SH2B3: variants seen among roughly 807,000 people sequenced by gnomAD.
The protein encoded by SH2B3 is SH2B adapter protein 3.
A neutral mutation model predicts 51.9 loss-of-function variants in SH2B3; 43 were observed. That is an observed-to-expected ratio of 0.83 (90% CI 0.65 to 1.07). The LOEUF (loss-of-function observed/expected upper bound fraction) is 1.07, where lower values mean the gene tolerates loss of function less well. Among genes scored for constraint, SH2B3 ranks in the 50% least tolerant of loss-of-function variants. SH2B3 has a pLI of 0.00. For missense variants in SH2B3, 952 were observed against 834.3 expected (o/e 1.14, Z -1.74); for synonymous variants, 396 against 376.0 (o/e 1.05, Z -0.62).
intron 2 of SH2B3, among the ~76,000 whole-genome samples, chr12:111,434,355 C>T (rs1363666087): frequency 6.6e-6 from 1 of 152,198 alleles, no homozygotes; most frequent in Non-Finnish European, 1.5e-5. Flanking sequence ...ATCTTTCTGT[C>T]CCCGTGGATT....
At chr12:111,408,315 G>C (rs1020386313) in intron 1 of SH2B3, among the ~76,000 whole-genome samples, 6 of 152,156 alleles carry the variant, frequency 3.9e-5, no homozygotes, top group Non-Finnish European at 8.8e-5. Context: ...GAGTGGCTTG[G>C]TCAGGAGGAA....
intron 2 of SH2B3, among the ~76,000 whole-genome samples, chr12:111,430,962 C>CT (rs1172366641): frequency 6.6e-6 from 1 of 150,642 alleles, no homozygotes; most frequent in African/African-American, 2.4e-5. Flanking sequence ...CCACCCAGTT[C>CT]TTTGTGAATG....
At chr12:111,414,799 G>A (rs930075504) in intron 1 of SH2B3, among the ~76,000 whole-genome samples, 5 of 152,160 alleles carry the variant, frequency 3.3e-5, no homozygotes, top group Non-Finnish European at 4.4e-5. Context: ...GTGGAGGGGT[G>A]TGTGGCAGAG....
At chr12:111,408,536 G>C (rs532395133) in intron 1 of SH2B3, among the ~76,000 whole-genome samples, 1 of 152,044 alleles carries the variant, frequency 6.6e-6, no homozygotes, top group South Asian at 2.1e-4. Context: ...GCCACCCCCA[G>C]ACATTCTCCA....
chr12:111,448,260 G>A lies in SH2B3; in HGVS notation c.1686G>A (p.Arg562=). 1.2e-6 allele frequency: 2 copies of A among 1,613,996 alleles called. No homozygotes were observed. Among genetic ancestry groups the A allele is most frequent in the Non-Finnish European group, 8.5e-7 (1 of 1,179,922 alleles). Residue 562 remains arginine, a synonymous_variant, in exon 8 of 8, where the codon CGG becomes CGA. Coordinates refer to ENST00000341259, the MANE Select transcript of SH2B3 (RefSeq NM_005475.3). The part of the protein sequence containing the change: ...DSDYEMDSSS[R]SHLRAIDNQY... ...ACTACGAAATGGACTCATCCTCCCG[G>A]AGCCACCTGCGGGCCATAGACAATC...
intron 2 of SH2B3, among the ~76,000 whole-genome samples, chr12:111,433,791 T>C (rs1479854403): frequency 6.6e-6 from 1 of 152,192 alleles, no homozygotes; most frequent in Non-Finnish European, 1.5e-5. Context: ...TGTTTTTGTT[T>C]TTTGAAGAGC....
upstream of SH2B3, among the ~76,000 whole-genome samples, chr12:111,405,335 C>T (rs538050493): frequency 2.7e-4 from 41 of 152,262 alleles, 1 homozygote; most frequent in Admixed American, 2.5e-3. This position sits in a 1 kb window ranked among gnomAD's most constrained non-coding sequence, Gnocchi z 5.4. Context: ...GGGGCCGTGG[C>T]GGGTCGGGTC....
rs1008858809 is a variant in SH2B3 at position 111,407,087 on chromosome 12, A to G, written c.-28+810A>G. Among the ~76,000 whole-genome samples, 1 of 151,328 alleles carries G rather than the reference A, an allele frequency of 6.6e-6. No individual in the cohort carries two copies. The highest frequency in any genetic ancestry group is 1.5e-5 in the Non-Finnish European group (1 of 67,842). On this transcript the variant is annotated intron_variant, in intron 1 of 7. Transcript: ENST00000341259. The surrounding 1 kb of genome is among the most constrained non-coding windows in gnomAD (Gnocchi z 4.3). ...GGGAGCTTTGTTTTGAGGGAGGGGG[A>G]CTGCATTTGAGGAACTGGAGAGGAG...
At chr12:111,432,942 TTA>T (rs1279732687) in intron 2 of SH2B3, among the ~76,000 whole-genome samples, 2 of 152,266 alleles carry the variant, frequency 1.3e-5, no homozygotes. Context: ...TTTCTGGCTG[TTA>T]TGAATAATGC....
chr12:111,445,238 C>T, intron 2 of SH2B3, among the ~76,000 whole-genome samples: 1 of 152,310 alleles, frequency 6.6e-6, no homozygotes, highest in Non-Finnish European at 1.5e-5. Flanking sequence ...ATCCTTAAGG[C>T]CTGCAGCTAG....
At chr12:111,444,900 G>GGT in intron 2 of SH2B3, 1 of 985,490 alleles carries the variant, frequency 1.0e-6, no homozygotes, top group Non-Finnish European at 1.2e-6. Flanking sequence ...GGCAGGCTTG[G>GGT]GTTGAGATTG....
Position 111,447,006 on chromosome 12 carries a change from C to T in SH2B3, c.899C>T (p.Ala300Val). The T allele has an allele frequency of 3.7e-6, 6 of 1,614,076 alleles. No individual in the cohort carries two copies. The highest frequency in any genetic ancestry group is 5.1e-6 in the Non-Finnish European group (6 of 1,179,950). ...GDEQQLNSWM[A>V]ELSECTGRGL... is the part of the protein sequence containing the mutation. ...GAGCAGCAGCTGAATTCATGGATGG[C>T]TGAGCTCTCGGAGTGCACAGGCCGA... The change falls in exon 4 of 8, where the codon GCT becomes GTT. Residue 300 changes from alanine (A) to valine (V), a missense_variant. Ala to Val is a moderately conservative substitution (Grantham distance 64). Transcript: ENST00000341259.
intron 2 of SH2B3, among the ~76,000 whole-genome samples, chr12:111,446,059 C>T (rs1284635355): frequency 6.6e-6 from 1 of 152,218 alleles, no homozygotes; most frequent in African/African-American, 2.4e-5. Context: ...CTGTCCATTC[C>T]TTATCTCATC....
intron 2 of SH2B3, among the ~76,000 whole-genome samples, chr12:111,426,682 G>A (rs1475039576): frequency 1.3e-5 from 2 of 152,144 alleles, no homozygotes; most frequent in Admixed American, 6.5e-5. Context: ...TCTTTGGGGT[G>A]TTGTTTTCTG....
At chr12:111,430,400 C>T (rs1872375580) in intron 2 of SH2B3, among the ~76,000 whole-genome samples, 1 of 152,242 alleles carries the variant, frequency 6.6e-6, no homozygotes, top group Non-Finnish European at 1.5e-5. Flanking sequence ...CTAGAAAGTG[C>T]CCTGAATCCA....
chr12:111,404,928 T>C (rs1275088934), upstream of SH2B3, among the ~76,000 whole-genome samples: 2 of 152,158 alleles, frequency 1.3e-5, no homozygotes, highest in African/African-American at 4.8e-5. Context: ...ACTTGCTGCC[T>C]GGGAAGACTC....
Position 111,407,209 on chromosome 12 carries a change from C to A in SH2B3, c.-28+932C>A, listed in dbSNP as rs971049889. 1.6e-4 allele frequency among the ~76,000 whole-genome samples: 24 copies of A among 152,326 alleles called. No individual in the cohort carries two copies. Among genetic ancestry groups the A allele is most frequent in the South Asian group, 4.1e-4 (2 of 4,826 alleles). ...GCCACAATGATGTAGGTGAGGAGGT[C>A]ACTGCCTGCAGCTGGGGGCCTCCAG... is the stretch of plus-strand genomic sequence containing the variant. On this transcript the variant is annotated intron_variant, in intron 1 of 7. Transcript: ENST00000341259. The surrounding 1 kb of genome is among the most constrained non-coding windows in gnomAD (Gnocchi z 4.3).
In SH2B3 at chr12:111,429,870, G is replaced by A. The variant is rs1422375996; in HGVS notation, c.732+10993G>A. Among the ~76,000 whole-genome samples, 1 of 152,150 alleles carries A rather than the reference G, an allele frequency of 6.6e-6. No homozygotes were observed. The highest frequency in any genetic ancestry group is 2.4e-5 in the African/African-American group (1 of 41,446). On this transcript the variant is annotated intron_variant, in intron 2 of 7. Transcript: ENST00000341259. This position sits in a 1 kb window ranked among gnomAD's most constrained non-coding sequence, Gnocchi z 4.4. ...GGGGGGCACCAGGGGCAGGGGGTTT[G>A]TGTTTAGGCCCCAGAACAGGCAGAG...
At chr12:111,405,609 C>T (rs1028968561), upstream of SH2B3, among the ~76,000 whole-genome samples, 5 of 152,176 alleles carry the variant, frequency 3.3e-5, no homozygotes, top group African/African-American at 9.7e-5. This position sits in a 1 kb window ranked among gnomAD's most constrained non-coding sequence, Gnocchi z 5.4. Flanking sequence ...AAAGTCGCCC[C>T]GCCCCTCCGA....
Sources: gnomAD v4.1 joint callset for allele counts (sites outside exome capture counted in the v4.1 genomes callset) on GRCh38, gnomAD v4.1.1 for gene constraint, Gnocchi (gnomAD v3.1) non-coding constraint, MANE v1.5 for transcripts, NCBI Gene and HGNC (gene_info 2026-07-23, HGNC 2026-07-21) for gene names.